The following RRM2 variants were observed in gnomAD, a reference collection of about 807,000 sequenced individuals.
The protein encoded by RRM2 is ribonucleoside-diphosphate reductase subunit M2.
In RRM2, 6 loss-of-function variants were observed where a neutral mutation model predicts 45.9. The observed-to-expected ratio is 0.13, with a 90% CI of 0.07 to 0.26. The LOEUF is 0.26. RRM2 is among the 10% of genes least tolerant of loss of function. The pLI is 1.00. For synonymous variants in RRM2, 177 were observed against 173.0 expected (o/e 1.02, Z -0.18); for missense variants, 343 against 489.5 (o/e 0.70, Z 2.82).
chr2:10,177,822 A>G (rs1246901309), intron 3 of RRM2, among the ~76,000 whole-genome samples: 2 of 150,188 alleles, frequency 1.3e-5, no homozygotes, highest in Non-Finnish European at 2.9e-5. Context: ...AGGCTTCACT[A>G]TGTTGACCAG....
chr2:10,168,593 T>C (rs1309252113), intron 3 of RRM2, among the ~76,000 whole-genome samples: 5 of 152,226 alleles, frequency 3.3e-5, no homozygotes, highest in Non-Finnish European at 7.3e-5. Context: ...TGATACCAAC[T>C]CTGGGGGTTG....
intron 3 of RRM2, among the ~76,000 whole-genome samples, chr2:10,144,670 G>A (rs530629566): frequency 5.3e-5 from 8 of 152,292 alleles, no homozygotes; most frequent in Non-Finnish European, 1.2e-4. Flanking sequence ...CCTTTTGAAC[G>A]GAAGGGCTCC....
rs368563130 is a variant in RRM2 at position 10,172,913 on chromosome 2, A to C, written n.482+30538A>C. Among the ~76,000 whole-genome samples the C allele has an allele frequency of 2.0e-5, 3 of 152,232 alleles. No individual in the cohort carries two copies. Among genetic ancestry groups the C allele is most frequent in the East Asian group, 3.9e-4 (2 of 5,194 alleles). The stretch of plus-strand genomic sequence containing the variant: ...GCCAACCCCCTGAGTCCCGGGGAAC[A>C]GTGGCAAATCAGCACTCAGGAAATA... On this transcript the variant is annotated intron_variant and non_coding_transcript_variant, in intron 3 of 3. Transcript: ENST00000381786. This position sits in a 1 kb window ranked among gnomAD's most constrained non-coding sequence, Gnocchi z 4.9.
rs1663825644 is a variant in RRM2 at position 10,172,588 on chromosome 2, G to T, written n.482+30213G>T. The stretch of plus-strand genomic sequence containing the variant: ...GCCTTTCCAGCTTCAAAGACAACCT[G>T]TGCCCTTTCCCCAGCCCTCCGCATG... On this transcript the variant is annotated intron_variant and non_coding_transcript_variant, in intron 3 of 3. Coordinates refer to the RRM2 transcript ENST00000381786. The surrounding 1 kb of genome is among the most constrained non-coding windows in gnomAD (Gnocchi z 4.9). 6.6e-6 allele frequency among the ~76,000 whole-genome samples: 1 copy of T among 152,176 alleles called. No homozygotes were observed. Among genetic ancestry groups the T allele is most frequent in the South Asian group, 2.1e-4 (1 of 4,820 alleles).
In RRM2 at chr2:10,130,615, T is replaced by C. The variant is rs1221682177; in HGVS notation, c.*1229T>C. On this transcript the variant is annotated 3_prime_UTR_variant, in exon 10 of 10. Coordinates refer to ENST00000304567, the MANE Select transcript of RRM2 (RefSeq NM_001034.4). ...TACAGTTTCCATTCAAATATTAATT[T>C]CAGAATGAAACATAATTTTTTTTTT... is the stretch of plus-strand genomic sequence containing the variant. 6.6e-6 allele frequency: 1 copy of C among 151,154 alleles called. No homozygotes were observed. The highest frequency in any genetic ancestry group is 1.5e-5 in the Non-Finnish European group (1 of 67,986). 9.4% of individuals were successfully genotyped at this position (151,154 alleles called of 1,614,324 possible).
intron 3 of RRM2, among the ~76,000 whole-genome samples, chr2:10,146,776 C>G (rs1160263882): frequency 6.6e-6 from 1 of 152,226 alleles, no homozygotes. Context: ...CAGCGACCCC[C>G]AGCCTTGCCC....
At position 10,185,330 on chromosome 2, in the gene RRM2, G is replaced by A. The variant is rs372233206; in HGVS notation, n.483-24981G>A. Reference sequence around the variant, plus strand: ...GCTGAGCGTGGGAGGGAGACAGACGGCATCGATTCATTAATATATTCAAAA... The same window carrying A: ...GCTGAGCGTGGGAGGGAGACAGACGACATCGATTCATTAATATATTCAAAA... On this transcript the variant is annotated intron_variant and non_coding_transcript_variant, in intron 3 of 3. Transcript: ENST00000381786. The surrounding 1 kb of genome is among the most constrained non-coding windows in gnomAD (Gnocchi z 4.3). Among the ~76,000 whole-genome samples, 5 of 152,146 alleles carry A rather than the reference G, an allele frequency of 3.3e-5. No homozygotes were observed. The highest frequency in any genetic ancestry group is 1.9e-4 in the East Asian group (1 of 5,176).
At chr2:10,161,856 G>C (rs923513090) in intron 3 of RRM2, among the ~76,000 whole-genome samples, 3 of 152,224 alleles carry the variant, frequency 2.0e-5, no homozygotes, top group Admixed American at 1.3e-4. Flanking sequence ...AAGAGGCAAG[G>C]CTGAGGTTTG....
chr2:10,208,913 T>A (rs1664708294), intron 3 of RRM2, among the ~76,000 whole-genome samples: 1 of 151,994 alleles, frequency 6.6e-6, no homozygotes, highest in South Asian at 2.1e-4. Flanking sequence ...GCTAACTCCC[T>A]CCCACCTCTC....
chr2:10,129,482 G>A lies in RRM2; in HGVS notation c.*96G>A. 2.4e-6 allele frequency: 3 copies of A among 1,247,366 alleles called. No homozygotes were observed. Among genetic ancestry groups the A allele is most frequent in the Non-Finnish European group, 3.4e-6 (3 of 887,776 alleles). The allele number at this position is 1,247,366 out of a possible 1,614,324, so 77.3% of individuals were successfully genotyped here. A position where few individuals can be genotyped will look rare whatever the true frequency, so the allele number is the denominator to read the frequency against. On this transcript the variant is annotated 3_prime_UTR_variant, in exon 10 of 10. Transcript: ENST00000304567. This position sits in a 1 kb window ranked among gnomAD's most constrained non-coding sequence, Gnocchi z 4.8. Reference sequence around the variant, plus strand: ...TTACCAACTAGCCACACCATGAATTGTCCGTAATGTTCATTAACAGCATCT... The same window carrying A: ...TTACCAACTAGCCACACCATGAATTATCCGTAATGTTCATTAACAGCATCT...
At chr2:10,123,200 G>C in intron 2 of RRM2, 143 bp downstream of exon 2, 1 of 1,272,722 alleles carries the variant, frequency 7.9e-7, no homozygotes, top group African/African-American at 1.5e-5. Flanking sequence ...TGCCTCCCGC[G>C]CCCCTCGGCC....
rs370841009 is a variant in RRM2 at position 10,157,146 on chromosome 2, G to A, written n.482+14771G>A. ...CAGGTTCACGCCATTCTCCTGCCTC[G>A]GCCTCCCGAGTAGCTGGGACTACAG... On this transcript the variant is annotated intron_variant and non_coding_transcript_variant, in intron 3 of 3. Coordinates refer to the RRM2 transcript ENST00000381786. Among the ~76,000 whole-genome samples, 15 of 146,110 alleles carry A rather than the reference G, an allele frequency of 1.0e-4. 1 individual carries two copies. Among genetic ancestry groups the A allele is most frequent in the Admixed American group, 6.3e-4 (9 of 14,368 alleles).
At chr2:10,134,496 C>T (rs138238890), downstream of RRM2, among the ~76,000 whole-genome samples, 227 of 152,248 alleles carry the variant, frequency 1.5e-3, no homozygotes, top group African/African-American at 5.2e-3. Flanking sequence ...TTCTTAAAAA[C>T]CTTCACATAA....
At chr2:10,206,494 G>T (rs1281014141) in intron 3 of RRM2, among the ~76,000 whole-genome samples, 1 of 152,156 alleles carries the variant, frequency 6.6e-6, no homozygotes, top group Non-Finnish European at 1.5e-5. Context: ...ACAAGAGGTA[G>T]AATGCAGTTC....
intron 3 of RRM2, among the ~76,000 whole-genome samples, chr2:10,144,117 C>T (rs1178306758): frequency 1.3e-5 from 2 of 152,178 alleles, no homozygotes; most frequent in East Asian, 1.9e-4. Context: ...AAGGGGGTAG[C>T]GGAAGGATGG....
intron 3 of RRM2, among the ~76,000 whole-genome samples, chr2:10,207,113 C>T (rs1365885195): frequency 2.6e-5 from 4 of 152,188 alleles, no homozygotes; most frequent in African/African-American, 4.8e-5. Context: ...CCCAGCCCAG[C>T]GCCTCCTGGG....
At chr2:10,161,171 C>T (rs998036478) in intron 3 of RRM2, among the ~76,000 whole-genome samples, 2 of 152,206 alleles carry the variant, frequency 1.3e-5, no homozygotes, top group African/African-American at 2.4e-5. Flanking sequence ...AATCCTCCCA[C>T]CTCAGCCTCC....
rs574569891 is a variant in RRM2 at position 10,174,133 on chromosome 2, G to T, written n.482+31758G>T. ...GAACCTGCCACCTTCTCTCTGCCAC[G>T]TGAGGACATGGGGAGGAGGCGGCTG... On this transcript the variant is annotated intron_variant and non_coding_transcript_variant, in intron 3 of 3. Coordinates refer to the RRM2 transcript ENST00000381786. Among the ~76,000 whole-genome samples, 4 of 152,332 alleles carry T rather than the reference G, an allele frequency of 2.6e-5. No individual in the cohort carries two copies. The South Asian group carries it at 8.3e-4, about 32-fold the overall frequency.
rs575922804 is a variant in RRM2, at chr2:10,172,572, G to C, written n.482+30197G>C. Among the ~76,000 whole-genome samples the C allele has an allele frequency of 8.5e-5, 13 of 152,308 alleles. No individual in the cohort carries two copies. The highest frequency in any genetic ancestry group is 3.1e-4 in the African/African-American group (13 of 41,566). On this transcript the variant is annotated intron_variant and non_coding_transcript_variant, in intron 3 of 3. Coordinates refer to the RRM2 transcript ENST00000381786. The surrounding 1 kb of genome is among the most constrained non-coding windows in gnomAD (Gnocchi z 4.9). ...AAAATAATTGAATTATGCCTTTCCAGCTTCAAAGACAACCTGTGCCCTTTC... is the reference window on the plus strand; with the variant it reads ...AAAATAATTGAATTATGCCTTTCCACCTTCAAAGACAACCTGTGCCCTTTC...
Sources: gnomAD v4.1 joint callset for allele counts (sites outside exome capture counted in the v4.1 genomes callset) on GRCh38, gnomAD v4.1.1 for gene constraint, Gnocchi (gnomAD v3.1) non-coding constraint, MANE v1.5 for transcripts, NCBI Gene and HGNC (gene_info 2026-07-23, HGNC 2026-07-21) for gene names.